Variants in RFX3 observed in about 807,000 individuals in gnomAD.
RFX3 encodes regulatory factor X3, also known as transcription factor RFX3.
In RFX3, 14 loss-of-function variants were observed where a neutral mutation model predicts 98.6. That is an observed-to-expected ratio of 0.14 (90% CI 0.09 to 0.22). The LOEUF (loss-of-function observed/expected upper bound fraction) is 0.22, where lower values mean the gene tolerates loss of function less well. Among genes scored for constraint, RFX3 ranks in the 10% least tolerant of loss-of-function variants. The probability of loss-of-function intolerance (pLI) is 1.00; values close to 1 mark genes in which losing one functional copy is unlikely to be tolerated. For missense variants in RFX3, 639 were observed against 926.9 expected (o/e 0.69, Z 4.03); for synonymous variants, 383 against 328.4 (o/e 1.17, Z -1.80).
At chr9:3,281,462 T>C (rs1363603254) in intron 7 of RFX3, among the ~76,000 whole-genome samples, 1 of 151,758 alleles carries the variant, frequency 6.6e-6, no homozygotes, top group Non-Finnish European at 1.5e-5. Flanking sequence ...ATTTACTTTA[T>C]GAATTAATTA....
chr9:3,292,569 G>A (rs1325001427), intron 6 of RFX3, among the ~76,000 whole-genome samples: 2 of 152,080 alleles, frequency 1.3e-5, no homozygotes, highest in African/African-American at 4.8e-5. Flanking sequence ...ATTTTTAACT[G>A]GCCTCCAGAA....
At chr9:3,420,419 C>G (rs77657861) in intron 1 of RFX3, among the ~76,000 whole-genome samples, 4,118 of 152,286 alleles carry the variant, frequency 0.027, 201 homozygotes, top group African/African-American at 0.095. Context: ...TACTTAGCTA[C>G]AGCTTTACTA....
intron 2 of RFX3, among the ~76,000 whole-genome samples, chr9:3,349,948 A>C (rs1429039522): frequency 2.6e-5 from 4 of 152,132 alleles, no homozygotes; most frequent in Non-Finnish European, 5.9e-5. Context: ...ACCTGTTTGC[A>C]AGGATAAAAA....
intron 7 of RFX3, among the ~76,000 whole-genome samples, chr9:3,286,072 A>G (rs1273259758): frequency 6.6e-6 from 1 of 151,858 alleles, no homozygotes; most frequent in Non-Finnish European, 1.5e-5. Flanking sequence ...TGTCTTAGGT[A>G]TAATTTATTA....
intron 2 of RFX3, among the ~76,000 whole-genome samples, chr9:3,393,543 A>G (rs1554691638): frequency 1.4e-5 from 2 of 147,312 alleles, no homozygotes; most frequent in Non-Finnish European, 3.0e-5. Flanking sequence ...TTAAAAAGAT[A>G]ACTGTTATCT....
intron 1 of RFX3, among the ~76,000 whole-genome samples, chr9:3,504,138 T>G (rs187387668): frequency 6.7e-4 from 82 of 123,060 alleles, no homozygotes; most frequent in African/African-American, 3.3e-3. Context: ...TTTATATATA[T>G]TATATATTAT....
intron 2 of RFX3, among the ~76,000 whole-genome samples, chr9:3,359,426 C>A (rs917586433): frequency 1.3e-5 from 2 of 151,986 alleles, no homozygotes; most frequent in African/African-American, 4.8e-5. Context: ...GATTGGAAAG[C>A]CATAGCTATG....
intron 1 of RFX3, among the ~76,000 whole-genome samples, chr9:3,424,393 G>T (rs866080866): frequency 1.9e-5 from 2 of 106,232 alleles, no homozygotes; most frequent in Non-Finnish European, 3.4e-5. Context: ...ACGGAGTCTC[G>T]CTCTGTCGCC....
At chr9:3,297,238 T>C (rs73381836) in intron 5 of RFX3, among the ~76,000 whole-genome samples, 4 of 152,248 alleles carry the variant, frequency 2.6e-5, no homozygotes, top group African/African-American at 9.6e-5. Flanking sequence ...TTTGCTCTTT[T>C]ATAAAATGTC....
At chr9:3,288,077 G>T in intron 7 of RFX3, 54 bp downstream of exon 7, 1 of 1,560,948 alleles carries the variant, frequency 6.4e-7, no homozygotes, top group Non-Finnish European at 8.7e-7. Context: ...AAGGAGACCC[G>T]AACAACTAAG....
Position 3,330,458 on chromosome 9 carries a change from T to C in RFX3, c.275A>G (p.Asn92Ser). ...TQMYSQNTGG[N>S]YFDTQGSSAQ... is the part of the protein sequence containing the mutation. ...GGAACTCCCTTGAGTATCAAAGTAA[T>C]TCCCTCCAGTATTTTGGCTGTACAT... Residue 92 changes from asparagine (N) to serine (S), a missense_variant, in exon 4 of 17, where the codon AAT becomes AGT. Physicochemically the swap from Asn to Ser is conservative, Grantham distance 46 (BLOSUM62 1). This residue lies in a region of RFX3 where 210 missense variants were observed against 197.7 expected (regional missense o/e 1.06). Coordinates refer to ENST00000617270, the MANE Select transcript of RFX3 (RefSeq NM_001282116.2). The C allele has an allele frequency of 2.5e-6, 4 of 1,614,050 alleles. No individual in the cohort carries two copies. Among genetic ancestry groups the C allele is most frequent in the Non-Finnish European group, 3.4e-6 (4 of 1,179,948 alleles).
chr9:3,283,403 T>C (rs1352152880), intron 7 of RFX3, among the ~76,000 whole-genome samples: 3 of 151,802 alleles, frequency 2.0e-5, no homozygotes, highest in African/African-American at 7.2e-5. Flanking sequence ...TGAATTTCTA[T>C]TTTGCAGATG....
At chr9:3,246,302 A>G (rs763887786) in intron 15 of RFX3, among the ~76,000 whole-genome samples, 68 of 152,010 alleles carry the variant, frequency 4.5e-4, no homozygotes, top group Non-Finnish European at 8.2e-4. Flanking sequence ...AAAAAAAAAA[A>G]GAATAACTAT....
chr9:3,404,776 C>T (rs905908946), intron 1 of RFX3, among the ~76,000 whole-genome samples: 2 of 152,106 alleles, frequency 1.3e-5, no homozygotes, highest in East Asian at 3.9e-4. Context: ...TGGTGGTCTT[C>T]GATGGAGACT....
chr9:3,231,219 G>C (rs1818401515), intron 15 of RFX3, among the ~76,000 whole-genome samples: 1 of 152,154 alleles, frequency 6.6e-6, no homozygotes, highest in African/African-American at 2.4e-5. Flanking sequence ...AGCAAATAGA[G>C]AGAGTAGATT....
intron 2 of RFX3, among the ~76,000 whole-genome samples, chr9:3,384,954 T>G (rs1428669257): frequency 6.6e-6 from 1 of 152,182 alleles, no homozygotes; most frequent in Non-Finnish European, 1.5e-5. Flanking sequence ...AGCTTAAAAG[T>G]CAGTCCCTCT....
At chr9:3,366,076 G>A (rs1441834015) in intron 2 of RFX3, among the ~76,000 whole-genome samples, 1 of 151,962 alleles carries the variant, frequency 6.6e-6, no homozygotes, top group Non-Finnish European at 1.5e-5. Flanking sequence ...TCACTGTGAT[G>A]TAGGCTCGCA....
intron 1 of RFX3, among the ~76,000 whole-genome samples, chr9:3,461,758 G>C (rs2133066233): frequency 6.6e-6 from 1 of 151,802 alleles, no homozygotes; most frequent in African/African-American, 2.4e-5. Context: ...TCATATCTAT[G>C]GCTTATTGAT....
At chr9:3,391,594 G>C (rs1335661029) in intron 2 of RFX3, among the ~76,000 whole-genome samples, 1 of 152,154 alleles carries the variant, frequency 6.6e-6, no homozygotes, top group Non-Finnish European at 1.5e-5. Flanking sequence ...ATATGGCACA[G>C]TACAATGTTT....
Sources: allele counts gnomAD v4.1 joint callset (sites outside exome capture counted in the v4.1 genomes callset), GRCh38; gene constraint gnomAD v4.1.1; regional missense constraint gnomAD v4.1.1; transcripts MANE v1.5; gene names NCBI Gene and HGNC (gene_info 2026-07-23, HGNC 2026-07-21).